The following TCERG1L variants were observed in gnomAD, a reference collection of about 807,000 sequenced individuals.
The protein encoded by TCERG1L is transcription elongation regulator 1 like, also known as transcription elongation regulator 1-like protein.
Under a neutral mutation model 56.3 loss-of-function variants are expected in TCERG1L, and 37 were observed. The ratio of observed to expected loss-of-function variants is 0.66; its 90% CI spans 0.51 to 0.87. TCERG1L has a LOEUF of 0.87. TCERG1L is among the 40% of genes least tolerant of loss of function. The pLI, the probability that TCERG1L is intolerant of heterozygous loss-of-function variation, is 0.00. For missense variants in TCERG1L, 799 were observed against 774.2 expected (o/e 1.03, Z -0.38); for synonymous variants, 324 against 326.3 (o/e 0.99, Z 0.08).
rs150946763 is a variant in TCERG1L at position 131,230,592 on chromosome 10, G to A, written c.856+29667C>T. ...ATTACAGGAGAGGCTGAGTCAAATC[G>A]TATCTCAGCTAAGCCTCCGTGTGGA... On this transcript the variant is annotated intron_variant, in intron 4 of 11. Transcript: ENST00000368642. Among the ~76,000 whole-genome samples, 137 of 152,336 alleles carry A rather than the reference G, an allele frequency of 9.0e-4. 1 individual carries two copies. The highest frequency in any genetic ancestry group is 3.1e-3 in the African/African-American group (129 of 41,580).
At chr10:131,201,511 C>A (rs2918134) in intron 4 of TCERG1L, among the ~76,000 whole-genome samples, 74,647 of 152,092 alleles carry the variant, frequency 0.49, 19,296 homozygotes, top group South Asian at 0.67. Flanking sequence ...CCGTCACTGC[C>A]AATGTAGAAT....
intron 3 of TCERG1L, among the ~76,000 whole-genome samples, chr10:131,280,264 A>G (rs143862575): frequency 6.6e-6 from 1 of 150,650 alleles, no homozygotes; most frequent in Non-Finnish European, 1.5e-5. Flanking sequence ...CATGCACTTA[A>G]CTCAGTGAGC....
chr10:131,162,136 G>A (rs1845984929), intron 6 of TCERG1L: 1 of 152,242 alleles, frequency 6.6e-6, no homozygotes, highest in Non-Finnish European at 1.5e-5. Flanking sequence ...AGCCTGTGGG[G>A]TTTGGCTCTA....
chr10:131,283,640 C>T (rs938943790), intron 3 of TCERG1L, among the ~76,000 whole-genome samples: 3 of 151,934 alleles, frequency 2.0e-5, no homozygotes, highest in Admixed American at 2.0e-4. Flanking sequence ...GAGCAAGGAC[C>T]TAGACATTAT....
chr10:131,104,841 T>C (rs553585857), intron 9 of TCERG1L, among the ~76,000 whole-genome samples: 153 of 152,328 alleles, frequency 1.0e-3, no homozygotes, highest in African/African-American at 3.5e-3. Flanking sequence ...TACTAAAAAT[T>C]TGCAAGAATA....
chr10:131,295,046 C>G (rs1259934658), intron 3 of TCERG1L, among the ~76,000 whole-genome samples: 3 of 150,656 alleles, frequency 2.0e-5, no homozygotes, highest in East Asian at 4.0e-4. Flanking sequence ...TATAGTTTTG[C>G]TTTGCCTAGA....
At chr10:131,248,280 GACAC>G (rs5789078) in intron 4 of TCERG1L, among the ~76,000 whole-genome samples, 8 of 151,108 alleles carry the variant, frequency 5.3e-5, no homozygotes, top group East Asian at 3.9e-4. Context: ...ACACCCACAG[GACAC>G]ACACACACAC....
intron 4 of TCERG1L, among the ~76,000 whole-genome samples, chr10:131,227,598 C>T (rs908320698): frequency 3.3e-5 from 5 of 152,226 alleles, no homozygotes; most frequent in African/African-American, 1.2e-4. Flanking sequence ...GCATCCACAT[C>T]GGCCCGACCC....
intron 4 of TCERG1L, among the ~76,000 whole-genome samples, chr10:131,198,563 C>G (rs1845392452): frequency 6.6e-6 from 1 of 152,258 alleles, no homozygotes; most frequent in Non-Finnish European, 1.5e-5. Flanking sequence ...CAAGGCTCCT[C>G]CAGTTCCACC....
intron 4 of TCERG1L, among the ~76,000 whole-genome samples, chr10:131,246,850 C>T (rs775169280): frequency 1.4e-4 from 22 of 152,224 alleles, no homozygotes; most frequent in Non-Finnish European, 2.6e-4. Context: ...AGGTGGGGGC[C>T]GCACACTCAG....
Position 131,093,073 on chromosome 10 carries a change from C to T in TCERG1L, c.*89G>A, listed in dbSNP as rs1845197463. The T allele has an allele frequency of 2.7e-6, 4 of 1,468,526 alleles. No homozygotes were observed. Among genetic ancestry groups the T allele is most frequent in the Non-Finnish European group, 3.7e-6 (4 of 1,087,040 alleles). 91.0% of individuals were successfully genotyped at this position (1,468,526 alleles called of 1,614,324 possible). ...CGCTGGGCCGTGCAGGTCTCGGCCG[C>T]CCCACGCCCGTGTCCGTCTCCACCG... is the stretch of plus-strand genomic sequence containing the variant. On this transcript the variant is annotated 3_prime_UTR_variant, in exon 12 of 12. Coordinates refer to ENST00000368642, the MANE Select transcript of TCERG1L (RefSeq NM_174937.4).
At chr10:131,173,516 C>T (rs1228532465) in intron 4 of TCERG1L, among the ~76,000 whole-genome samples, 1 of 152,204 alleles carries the variant, frequency 6.6e-6, no homozygotes, top group East Asian at 1.9e-4. Flanking sequence ...TTTTCCGAGT[C>T]AGCCTCTTCA....
At chr10:131,306,133 T>C (rs933580215) in intron 3 of TCERG1L, among the ~76,000 whole-genome samples, 1 of 152,144 alleles carries the variant, frequency 6.6e-6, no homozygotes, top group East Asian at 1.9e-4. Flanking sequence ...CCTTCACTTG[T>C]CCCCGTTCTT....
intron 4 of TCERG1L, among the ~76,000 whole-genome samples, chr10:131,171,187 A>AAAAAGAAAG (rs111602431): frequency 0.012 from 1,353 of 110,000 alleles, 21 homozygotes; most frequent in African/African-American, 0.027. Flanking sequence ...ACCAAAAAAA[A>AAAAAGAAAG]GAAGAAAGAA....
At chr10:131,140,158 C>T (rs1014739090) in intron 7 of TCERG1L, among the ~76,000 whole-genome samples, 10 of 152,218 alleles carry the variant, frequency 6.6e-5, no homozygotes, top group South Asian at 2.1e-4. Context: ...TTCTCTCATA[C>T]GCAGAATGCA....
chr10:131,309,690 T>A (rs897747547), intron 1 of TCERG1L, among the ~76,000 whole-genome samples: 1 of 152,102 alleles, frequency 6.6e-6, no homozygotes, highest in Admixed American at 6.6e-5. Flanking sequence ...CTATATTTTA[T>A]AATATTCCTT....
At chr10:131,259,298 G>C (rs1846208787) in intron 4 of TCERG1L, among the ~76,000 whole-genome samples, 1 of 152,120 alleles carries the variant, frequency 6.6e-6, no homozygotes, top group Non-Finnish European at 1.5e-5. Flanking sequence ...ACAGTCTAGT[G>C]ATACATTTCC....
At chr10:131,220,807 G>C (rs1370141746) in intron 4 of TCERG1L, among the ~76,000 whole-genome samples, 1 of 152,238 alleles carries the variant, frequency 6.6e-6, no homozygotes, top group South Asian at 2.1e-4. Flanking sequence ...GAGGAAAGGG[G>C]GTGGGGGTGG....
At chr10:131,235,083 G>A (rs534447827) in intron 4 of TCERG1L, among the ~76,000 whole-genome samples, 2 of 152,312 alleles carry the variant, frequency 1.3e-5, no homozygotes, top group East Asian at 3.9e-4. Context: ...CAGCACCGCA[G>A]GGCCCAGGGT....
Sources: gnomAD v4.1 joint callset for allele counts (sites outside exome capture counted in the v4.1 genomes callset) on GRCh38, gnomAD v4.1.1 for gene constraint, MANE v1.5 for transcripts, NCBI Gene and HGNC (gene_info 2026-07-23, HGNC 2026-07-21) for gene names.